ZNF680: variants seen among roughly 807,000 people sequenced by gnomAD.
ZNF680 encodes hypothetical protein FLJ90430.
In ZNF680, 6 loss-of-function variants were observed where a neutral mutation model predicts 12.1. The ratio of observed to expected loss-of-function variants is 0.49; its 90% CI spans 0.27 to 0.98. The LOEUF (loss-of-function observed/expected upper bound fraction) is 0.98, where lower values mean the gene tolerates loss of function less well. Among genes scored for constraint, ZNF680 ranks in the 50% least tolerant of loss-of-function variants. The pLI, the probability that ZNF680 is intolerant of heterozygous loss-of-function variation, is 0.12. For missense variants in ZNF680, 561 were observed against 616.3 expected (o/e 0.91, Z 0.95); for synonymous variants, 170 against 199.3 (o/e 0.85, Z 1.24).
At chr7:64,541,178 A>C (rs942622116) in intron 3 of ZNF680, among the ~76,000 whole-genome samples, 1 of 152,298 alleles carries the variant, frequency 6.6e-6, no homozygotes, top group Admixed American at 6.5e-5. Context: ...GTGGGTGAAA[A>C]TCCTGTAATT....
the ZNF680 span, among the ~76,000 whole-genome samples, chr7:64,510,892 A>G: frequency 8.5e-5 from 12 of 141,736 alleles, no homozygotes; most frequent in Non-Finnish European, 1.7e-4. Context: ...CCTGGGCGAC[A>G]GAGCGAGACT....
intron 1 of ZNF680, among the ~76,000 whole-genome samples, chr7:64,545,263 CAAAAAAAAAAA>C (rs532422147): frequency 4.5e-5 from 4 of 89,718 alleles, no homozygotes; most frequent in Admixed American, 3.0e-4. Context: ...GACTCCATCT[CAAAAAAAAAAA>C]AAAAAAAAAA....
intron 3 of ZNF680, chr7:64,526,164 T>A (rs1368288965): frequency 3.3e-6 from 3 of 911,624 alleles, no homozygotes; most frequent in Admixed American, 5.8e-5. Context: ...AGTACATCAA[T>A]ATATTCATTA....
chr7:64,529,193 G>C (rs569586102), intron 3 of ZNF680, among the ~76,000 whole-genome samples: 1 of 152,176 alleles, frequency 6.6e-6, no homozygotes, highest in Non-Finnish European at 1.5e-5. Flanking sequence ...CCTTCTGACA[G>C]AGCCTACGCC....
At chr7:64,515,339 C>T (rs1791328400), downstream of ZNF680, among the ~76,000 whole-genome samples, 1 of 151,672 alleles carries the variant, frequency 6.6e-6, no homozygotes, top group Non-Finnish European at 1.5e-5. Context: ...AACTAGCACC[C>T]CCCCCTAAAA....
chr7:64,526,320 A>T (rs914938205), intron 3 of ZNF680: 52 of 1,197,106 alleles, frequency 4.3e-5, no homozygotes, highest in Non-Finnish European at 5.2e-5. Context: ...CTTTAAAAAC[A>T]GATAAAAATA....
At chr7:64,561,543 T>C (rs1444318703) in intron 1 of ZNF680, among the ~76,000 whole-genome samples, 4 of 152,196 alleles carry the variant, frequency 2.6e-5, no homozygotes, top group Non-Finnish European at 5.9e-5. Context: ...CTCTTTGCTT[T>C]CTTCTTACAG....
the ZNF680 span, among the ~76,000 whole-genome samples, chr7:64,510,727 G>GCA: frequency 2.8e-5 from 3 of 105,980 alleles, no homozygotes; most frequent in East Asian, 3.7e-4. Flanking sequence ...CGGCTAAAAT[G>GCA]GTGAAACCCC....
At chr7:64,523,328 T>C (rs899651057) in intron 3 of ZNF680, among the ~76,000 whole-genome samples, 1 of 152,092 alleles carries the variant, frequency 6.6e-6, no homozygotes, top group Admixed American at 6.6e-5. Context: ...TAATGTATAT[T>C]GTATCCTTTA....
intron 3 of ZNF680, among the ~76,000 whole-genome samples, chr7:64,532,382 C>T (rs533844936): frequency 6.6e-6 from 1 of 151,614 alleles, no homozygotes; most frequent in Non-Finnish European, 1.5e-5. Flanking sequence ...ACAACTGATA[C>T]CACATTAATA....
At chr7:64,499,925 G>A in the ZNF680 span, among the ~76,000 whole-genome samples, 1 of 152,116 alleles carries the variant, frequency 6.6e-6, no homozygotes, top group East Asian at 1.9e-4. Flanking sequence ...GCAGACTGGG[G>A]GGCTGTGCCT....
intron 1 of ZNF680, chr7:64,551,845 T>C (rs1281561283): frequency 1.3e-5 from 2 of 152,360 alleles, no homozygotes; most frequent in African/African-American, 2.4e-5. Context: ...ACATGTAAGA[T>C]TGATGAAGTC....
chr7:64,519,613 A>G (rs1451981159), downstream of ZNF680, among the ~76,000 whole-genome samples: 1 of 151,844 alleles, frequency 6.6e-6, no homozygotes, highest in Non-Finnish European at 1.5e-5. Flanking sequence ...GTATAGTTTA[A>G]AGTCAGGTAA....
chr7:64,509,483 G>A, the ZNF680 span, among the ~76,000 whole-genome samples: 1 of 152,186 alleles, frequency 6.6e-6, no homozygotes, highest in Non-Finnish European at 1.5e-5. Context: ...AATTACATTG[G>A]CATTCAAACG....
the ZNF680 span, among the ~76,000 whole-genome samples, chr7:64,509,892 C>T: frequency 1.3e-5 from 2 of 151,950 alleles, no homozygotes; most frequent in East Asian, 3.9e-4. Context: ...CTGGGTCACA[C>T]AAAAGGGAGA....
chr7:64,522,326 T>G lies in ZNF680; in HGVS notation c.428A>C (p.Asn143Thr), dbSNP rs1235646534. 2 of 1,613,062 alleles carry G rather than the reference T, an allele frequency of 1.2e-6. No homozygotes were observed. The highest frequency in any genetic ancestry group is 1.1e-5 in the South Asian group (1 of 90,950). Residue 143 changes from asparagine to threonine, a missense_variant, in exon 4 of 4, where the codon AAC (asparagine) becomes ACC (threonine). Coordinates refer to ENST00000309683, the MANE Select transcript of ZNF680 (RefSeq NM_178558.5). ...KVFKEGYNEL[N>T]QCLRTTQSKI... ...GCTCTGGGTAGTTCTCAAACATTGGTTAAGTTCATTATAACCTTCTTTGAA... is the reference window on the plus strand; with the variant it reads ...GCTCTGGGTAGTTCTCAAACATTGGGTAAGTTCATTATAACCTTCTTTGAA...
chr7:64,520,478 C>T lies in ZNF680; in HGVS notation c.*683G>A, dbSNP rs1397906570. 6.6e-6 allele frequency: 1 copy of T among 151,588 alleles called. No homozygotes were observed. Among genetic ancestry groups the T allele is most frequent in the Non-Finnish European group, 1.5e-5 (1 of 67,684 alleles). The allele number at this position is 151,588 out of a possible 1,614,324, so 9.4% of individuals were successfully genotyped here. A position where few individuals can be genotyped will look rare whatever the true frequency, so the allele number is the denominator to read the frequency against. On this transcript the variant is annotated 3_prime_UTR_variant, in exon 4 of 4. Coordinates refer to ENST00000309683, the MANE Select transcript of ZNF680 (RefSeq NM_178558.5). Reference sequence around the variant, plus strand: ...AGTGTAATGTCTAAAGTGTCAGTGCCTTAGTTATTTCTACTGTAAATTATT... The same window carrying T: ...AGTGTAATGTCTAAAGTGTCAGTGCTTTAGTTATTTCTACTGTAAATTATT...
intron 1 of ZNF680, among the ~76,000 whole-genome samples, chr7:64,558,449 C>T (rs1041858698): frequency 6.6e-6 from 1 of 152,024 alleles, no homozygotes; most frequent in East Asian, 1.9e-4. Flanking sequence ...TCCTCTCTCA[C>T]CCTGGGAGGA....
chr7:64,535,023 G>T (rs1786086651), intron 3 of ZNF680, among the ~76,000 whole-genome samples: 1 of 140,846 alleles, frequency 7.1e-6, no homozygotes, highest in Non-Finnish European at 1.5e-5. Flanking sequence ...GGTGGGAGGG[G>T]GGCAAGAGAT....
Sources: gnomAD v4.1 joint callset for allele counts (sites outside exome capture counted in the v4.1 genomes callset) on GRCh38, gnomAD v4.1.1 for gene constraint, MANE v1.5 for transcripts, NCBI Gene and HGNC (gene_info 2026-07-23, HGNC 2026-07-21) for gene names.